Variants in CACNA2D1 observed in about 807,000 individuals in gnomAD.
CACNA2D1 encodes voltage-dependent calcium channel subunit alpha-2/delta-1.
CACNA2D1 carries 53 observed loss-of-function variants against 171.5 expected under a neutral mutation model. The ratio of observed to expected loss-of-function variants is 0.31; its 90% CI spans 0.25 to 0.39. The LOEUF (loss-of-function observed/expected upper bound fraction) is 0.39. CACNA2D1 is among the 10% of genes least tolerant of loss of function. CACNA2D1 has a pLI of 1.00. For missense variants in CACNA2D1, 903 were observed against 1,299.8 expected (o/e 0.69, Z 4.69); for synonymous variants, 442 against 443.1 (o/e 1.00, Z 0.03).
chr7:82,085,508 TA>T (rs1323598173), intron 6 of CACNA2D1, among the ~76,000 whole-genome samples: 3 of 149,778 alleles, frequency 2.0e-5, no homozygotes, highest in Non-Finnish European at 4.4e-5. Context: ...CAACATAAAT[TA>T]GCCTGCTACC....
intron 3 of CACNA2D1, among the ~76,000 whole-genome samples, chr7:82,246,790 G>T (rs1194898824): frequency 6.6e-6 from 1 of 152,126 alleles, no homozygotes; most frequent in African/African-American, 2.4e-5. Flanking sequence ...ATAGACATAG[G>T]CATGGGTGTG....
intron 3 of CACNA2D1, among the ~76,000 whole-genome samples, chr7:82,290,860 T>C (rs1042372141): frequency 6.6e-6 from 1 of 151,954 alleles, no homozygotes; most frequent in East Asian, 1.9e-4. Context: ...CCTCCCAAAG[T>C]GCTGGGATTT....
At chr7:82,056,369 T>C (rs1002844806) in intron 10 of CACNA2D1, among the ~76,000 whole-genome samples, 1 of 152,088 alleles carries the variant, frequency 6.6e-6, no homozygotes, top group Non-Finnish European at 1.5e-5. Context: ...CCTATGGAGG[T>C]AGGCATGAAG....
chr7:81,995,899 A>G (rs1290130660), intron 19 of CACNA2D1, among the ~76,000 whole-genome samples: 1 of 152,116 alleles, frequency 6.6e-6, no homozygotes, highest in Non-Finnish European at 1.5e-5. Flanking sequence ...TTTATAACTC[A>G]ACCAGTGATT....
intron 5 of CACNA2D1, among the ~76,000 whole-genome samples, chr7:82,129,113 C>T (rs1283032031): frequency 6.6e-6 from 1 of 152,114 alleles, no homozygotes; most frequent in Non-Finnish European, 1.5e-5. Flanking sequence ...TCAAATTCCC[C>T]TCATAAGCTA....
intron 1 of CACNA2D1, among the ~76,000 whole-genome samples, chr7:82,418,729 C>G (rs1259042441): frequency 1.3e-5 from 2 of 151,990 alleles, no homozygotes; most frequent in Non-Finnish European, 1.5e-5. Context: ...AAAAGTAGAC[C>G]AACAGAAACA....
At chr7:81,984,310 T>C (rs1259889427) in intron 22 of CACNA2D1, among the ~76,000 whole-genome samples, 1 of 152,198 alleles carries the variant, frequency 6.6e-6, no homozygotes, top group African/African-American at 2.4e-5. Flanking sequence ...ATAAGTAGCA[T>C]GTGAAACATT....
intron 38 of CACNA2D1, among the ~76,000 whole-genome samples, chr7:81,954,614 T>C (rs1410096486): frequency 6.6e-6 from 1 of 152,120 alleles, no homozygotes; most frequent in Non-Finnish European, 1.5e-5. Flanking sequence ...CTTAATAATT[T>C]TTAATTTATT....
chr7:82,354,367 G>A (rs1820192428), intron 1 of CACNA2D1, among the ~76,000 whole-genome samples: 1 of 151,970 alleles, frequency 6.6e-6, no homozygotes, highest in Non-Finnish European at 1.5e-5. Flanking sequence ...ATTTTTTCTA[G>A]TTTACCCCTC....
intron 3 of CACNA2D1, among the ~76,000 whole-genome samples, chr7:82,252,477 C>T (rs183789291): frequency 3.3e-5 from 5 of 152,240 alleles, no homozygotes; most frequent in Non-Finnish European, 7.3e-5. Flanking sequence ...ATTGAATGCC[C>T]GCTGCACTCA....
At chr7:82,432,509 TTTTG>T (rs1300593187) in intron 1 of CACNA2D1, among the ~76,000 whole-genome samples, 5 of 152,204 alleles carry the variant, frequency 3.3e-5, no homozygotes, top group Non-Finnish European at 5.9e-5. Context: ...TCTGTCAGTT[TTTTG>T]TTTGTTTATT....
At chr7:82,290,980 T>C (rs1005335386) in intron 3 of CACNA2D1, among the ~76,000 whole-genome samples, 14 of 149,356 alleles carry the variant, frequency 9.4e-5, no homozygotes, top group Non-Finnish European at 1.3e-4. Flanking sequence ...CTTTTCTTTT[T>C]TTTTTTTTCC....
chr7:81,953,912 T>C (rs967912362), intron 38 of CACNA2D1, among the ~76,000 whole-genome samples: 1 of 152,128 alleles, frequency 6.6e-6, no homozygotes, highest in African/African-American at 2.4e-5. Flanking sequence ...TAATTTCCTC[T>C]GTGTGATGAT....
At chr7:82,437,269 T>C (rs1272895488) in intron 1 of CACNA2D1, among the ~76,000 whole-genome samples, 1 of 152,152 alleles carries the variant, frequency 6.6e-6, no homozygotes, top group Admixed American at 6.5e-5. Context: ...AATTTATTAT[T>C]TGAATAAAAT....
At chr7:82,277,857 T>C (rs772038045) in intron 3 of CACNA2D1, among the ~76,000 whole-genome samples, 2 of 151,072 alleles carry the variant, frequency 1.3e-5, no homozygotes, top group Non-Finnish European at 2.9e-5. Flanking sequence ...GCAATTCTCC[T>C]GCCTTAGCCT....
intron 18 of CACNA2D1, among the ~76,000 whole-genome samples, chr7:82,002,901 T>C (rs1798751360): frequency 6.6e-6 from 1 of 152,126 alleles, no homozygotes; most frequent in East Asian, 1.9e-4. Context: ...AGAGGAATAC[T>C]TGCATAACAT....
chr7:82,425,144 G>A (rs564089615), intron 1 of CACNA2D1, among the ~76,000 whole-genome samples: 1 of 152,272 alleles, frequency 6.6e-6, no homozygotes, highest in African/African-American at 2.4e-5. Flanking sequence ...AATCAAAAAA[G>A]GGAGTATAAT....
At chr7:82,081,941 A>C in intron 7 of CACNA2D1, among the ~76,000 whole-genome samples, 1 of 152,202 alleles carries the variant, frequency 6.6e-6, no homozygotes, top group East Asian at 1.9e-4. Context: ...GCTTGTGGTT[A>C]GACCAGGCAT....
chr7:82,217,939 A>T (rs201793618), intron 3 of CACNA2D1, among the ~76,000 whole-genome samples: 12 of 95,492 alleles, frequency 1.3e-4, no homozygotes, highest in African/African-American at 1.7e-4. Flanking sequence ...ATTTATTTAT[A>T]TTTTTATTTT....
Sources: allele counts gnomAD v4.1 joint callset (sites outside exome capture counted in the v4.1 genomes callset), GRCh38; gene constraint gnomAD v4.1.1; transcripts MANE v1.5; gene names NCBI Gene and HGNC (gene_info 2026-07-23, HGNC 2026-07-21).